The following POU2F1 variants were observed in gnomAD, a reference collection of about 807,000 sequenced individuals.
POU2F1 encodes POU domain, class 2, transcription factor 1.
POU2F1 carries 16 observed loss-of-function variants against 84.9 expected under a neutral mutation model. The ratio of observed to expected loss-of-function variants is 0.19; its 90% CI spans 0.13 to 0.29. POU2F1 has a LOEUF of 0.29. POU2F1 is among the 10% of genes least tolerant of loss of function. The pLI, the probability that POU2F1 is intolerant of heterozygous loss-of-function variation, is 1.00. For missense variants in POU2F1, 738 were observed against 942.6 expected, an observed-to-expected ratio of 0.78 and a Z score of 2.84; for synonymous variants, 368 against 368.3, an observed-to-expected ratio of 1.00 and a Z score of 0.01.
chr1:167,347,429 A>G (rs1658273879), intron 2 of POU2F1, among the ~76,000 whole-genome samples: 1 of 152,230 alleles, frequency 6.6e-6, no homozygotes, highest in Non-Finnish European at 1.5e-5. Flanking sequence ...ATAAGCAGCC[A>G]TTTATACAGA....
chr1:167,376,118 G>T lies in POU2F1; in HGVS notation c.681G>T (p.Ala227=). The change falls in exon 7 of 16, where the codon GCG becomes GCT. Residue 227 remains alanine (A), a synonymous_variant. Coordinates refer to ENST00000367866, the MANE Select transcript of POU2F1 (RefSeq NM_002697.4). ...ATCCAACCACCAATTTGCAGCCAGC[G>T]CAGTTTATCATCTCACAGACGCCCC... ...LVHPTTNLQP[A]QFIISQTPQG... The T allele has an allele frequency of 1.2e-6, 2 of 1,614,200 alleles. No homozygotes were observed. The highest frequency in any genetic ancestry group is 1.7e-6 in the Non-Finnish European group (2 of 1,180,036).
At position 167,251,848 on chromosome 1, in the gene POU2F1, C is replaced by CT. The variant is rs751900342; in HGVS notation, c.61+30905dup. Among the ~76,000 whole-genome samples, 861 of 141,048 alleles carry CT rather than the reference C, an allele frequency of 6.1e-3. 3 individuals are homozygous for CT. Among genetic ancestry groups the CT allele is most frequent in the South Asian group, 0.02 (87 of 4,400 alleles). 92.5% of individuals were successfully genotyped at this position (141,048 alleles called of 152,430 possible). On this transcript the variant is annotated intron_variant, in intron 1 of 15. Coordinates refer to ENST00000367866, the MANE Select transcript of POU2F1 (RefSeq NM_002697.4). ...TGTATTTTTTGTTTCTTCGTTATAT[C>CT]TTTTTTTTTTTTTTTAAACAGAGCC...
chr1:167,392,639 C>T (rs775493908), intron 9 of POU2F1, among the ~76,000 whole-genome samples: 6 of 152,322 alleles, frequency 3.9e-5, no homozygotes, highest in African/African-American at 1.4e-4. Context: ...CTCCGCACAT[C>T]TCTCCAGGTA....
intron 11 of POU2F1, among the ~76,000 whole-genome samples, chr1:167,398,730 G>A (rs1411658983): frequency 6.6e-6 from 1 of 152,184 alleles, no homozygotes; most frequent in Non-Finnish European, 1.5e-5. Flanking sequence ...CACATTGGGA[G>A]GACTCTGAAT....
chr1:167,247,130 C>T (rs1302246746), intron 1 of POU2F1, among the ~76,000 whole-genome samples: 1 of 151,324 alleles, frequency 6.6e-6, no homozygotes, highest in East Asian at 1.9e-4. Flanking sequence ...GGATGAAGTG[C>T]AGAGGTGAGA....
At chr1:167,392,704 G>T (rs1196445910) in intron 9 of POU2F1, among the ~76,000 whole-genome samples, 1 of 152,012 alleles carries the variant, frequency 6.6e-6, no homozygotes, top group Non-Finnish European at 1.5e-5. Context: ...CTATTTTTTG[G>T]CATGACCATT....
chr1:167,318,558 G>T (rs1468020774), intron 1 of POU2F1, among the ~76,000 whole-genome samples: 1 of 152,134 alleles, frequency 6.6e-6, no homozygotes, highest in Admixed American at 6.5e-5. Context: ...TTTGAGGGCC[G>T]TATGCCTCAA....
intron 2 of POU2F1, among the ~76,000 whole-genome samples, chr1:167,334,450 A>G (rs1456753709): frequency 3.3e-5 from 5 of 152,180 alleles, no homozygotes; most frequent in African/African-American, 1.2e-4. Flanking sequence ...ATTTCAAATT[A>G]TAGGAAATTG....
In POU2F1 at chr1:167,267,084, C is replaced by T. The variant is rs76720289; in HGVS notation, c.61+46126C>T. On this transcript the variant is annotated intron_variant, in intron 1 of 15. Transcript: ENST00000367866. Reference sequence around the variant, plus strand: ...GTATTAATAGTATTAGTATTGTGATCAGTATTATTGATCACAAATCATTAG... The same window carrying T: ...GTATTAATAGTATTAGTATTGTGATTAGTATTATTGATCACAAATCATTAG... 7.0e-3 allele frequency among the ~76,000 whole-genome samples: 1,055 copies of T among 151,754 alleles called. 15 individuals carry two copies. Among genetic ancestry groups the T allele is most frequent in the African/African-American group, 0.024 (993 of 41,360 alleles).
chr1:167,242,709 T>A (rs1176072173), intron 1 of POU2F1, among the ~76,000 whole-genome samples: 1 of 152,178 alleles, frequency 6.6e-6, no homozygotes, highest in Non-Finnish European at 1.5e-5. Flanking sequence ...TATTGTGAGA[T>A]GTTGTTTTTA....
intron 1 of POU2F1, among the ~76,000 whole-genome samples, chr1:167,249,236 TC>T (rs1175318758): frequency 1.3e-5 from 2 of 152,154 alleles, no homozygotes; most frequent in Non-Finnish European, 2.9e-5. Flanking sequence ...TTCTCGAACT[TC>T]TCCCTTCTGT....
chr1:167,264,646 C>T (rs998053881), intron 1 of POU2F1, among the ~76,000 whole-genome samples: 3 of 152,170 alleles, frequency 2.0e-5, no homozygotes, highest in African/African-American at 7.2e-5. Context: ...AGTCTCCACC[C>T]TGGTATAAAT....
chr1:167,399,091 C>A, intron 11 of POU2F1, 95 bp from the exon 12 acceptor site: 1 of 1,267,116 alleles, frequency 7.9e-7, no homozygotes, highest in Non-Finnish European at 1.1e-6. Context: ...TCATATGTAT[C>A]CCAGCTTCAT....
intron 1 of POU2F1, among the ~76,000 whole-genome samples, chr1:167,222,952 C>T (rs1456609899): frequency 6.6e-6 from 1 of 152,054 alleles, no homozygotes; most frequent in Non-Finnish European, 1.5e-5. Flanking sequence ...ATTTGTAAAA[C>T]TGACACTTTT....
intron 1 of POU2F1, among the ~76,000 whole-genome samples, chr1:167,271,816 G>A (rs1652386389): frequency 6.6e-6 from 1 of 152,140 alleles, no homozygotes; most frequent in Non-Finnish European, 1.5e-5. Context: ...TGGTCCTCAG[G>A]TCAAATTCGT....
At chr1:167,281,427 A>G (rs1653126052) in intron 1 of POU2F1, among the ~76,000 whole-genome samples, 1 of 152,240 alleles carries the variant, frequency 6.6e-6, no homozygotes, top group African/African-American at 2.4e-5. Context: ...AATTTAAAAG[A>G]ATTTAATTCA....
chr1:167,322,503 T>G (rs1656389853), intron 1 of POU2F1, among the ~76,000 whole-genome samples: 1 of 152,224 alleles, frequency 6.6e-6, no homozygotes, highest in African/African-American at 2.4e-5. Flanking sequence ...TCACAGCTTT[T>G]GGGCAGCATA....
At chr1:167,269,659 T>A (rs151114851) in intron 1 of POU2F1, among the ~76,000 whole-genome samples, 2,412 of 152,318 alleles carry the variant, frequency 0.016, 27 homozygotes, top group Non-Finnish European at 0.023. Flanking sequence ...ACGCCTATAA[T>A]CCCAGCACTT....
chr1:167,311,450 A>C (rs1655464767), intron 1 of POU2F1, among the ~76,000 whole-genome samples: 1 of 152,182 alleles, frequency 6.6e-6, no homozygotes, highest in African/African-American at 2.4e-5. Context: ...ATTTACCTCC[A>C]GCAGACCTAC....
Sources: gnomAD v4.1 joint callset for allele counts (sites outside exome capture counted in the v4.1 genomes callset) on GRCh38, gnomAD v4.1.1 for gene constraint, MANE v1.5 for transcripts, NCBI Gene and HGNC (gene_info 2026-07-23, HGNC 2026-07-21) for gene names.